PRKG1: variants seen among roughly 807,000 people sequenced by gnomAD.
PRKG1 encodes cGMP-dependent protein kinase 1.
PRKG1 carries 35 observed loss-of-function variants against 88.1 expected under a neutral mutation model. That is an observed-to-expected ratio of 0.40 (90% CI 0.30 to 0.53). The LOEUF is 0.53. Ranked by LOEUF, PRKG1 falls within the 20% of genes least tolerant of loss-of-function variation. The pLI is 0.59. For missense variants in PRKG1, 540 were observed against 839.8 expected (o/e 0.64, Z 4.41); for synonymous variants, 303 against 292.5 (o/e 1.04, Z -0.37).
rs1589666380 is a variant in PRKG1, at chr10:52,166,839, G to GTATATATATGTA, written c.1076+4887_1076+4888insATATATATATGT. Reference sequence around the variant, plus strand: ...TATATGTATATATATGTATATATATGTATATATATGTCTATATATATATCT... The same window carrying GTATATATATGTA: ...TATATGTATATATATGTATATATATGTATATATATGTATATATATATGTCTATATATATATCT... On this transcript the variant is annotated intron_variant, in intron 9 of 17. Transcript: ENST00000373980. Among the ~76,000 whole-genome samples the GTATATATATGTA allele has an allele frequency of 6.0e-4, 54 of 90,494 alleles. 2 individuals are homozygous for GTATATATATGTA. Among genetic ancestry groups the GTATATATATGTA allele is most frequent in the Admixed American group, 2.0e-3 (16 of 8,082 alleles). 59.4% of individuals were successfully genotyped at this position (90,494 alleles called of 152,430 possible). A position where few individuals can be genotyped will look rare whatever the true frequency, so the allele number is the denominator to read the frequency against.
At chr10:51,505,098 A>G (rs373529850) in intron 3 of PRKG1, among the ~76,000 whole-genome samples, 17 of 152,020 alleles carry the variant, frequency 1.1e-4, no homozygotes, top group African/African-American at 2.4e-4. Flanking sequence ...GTATGATATT[A>G]GCTGTGGGTT....
At chr10:51,257,533 G>A (rs921397737) in intron 2 of PRKG1, among the ~76,000 whole-genome samples, 4 of 152,156 alleles carry the variant, frequency 2.6e-5, no homozygotes, top group East Asian at 1.9e-4. Flanking sequence ...TCCAGGAACA[G>A]CGCTGGCTTT....
chr10:51,664,994 T>G (rs1194051180), intron 3 of PRKG1, among the ~76,000 whole-genome samples: 2 of 152,122 alleles, frequency 1.3e-5, no homozygotes, highest in Admixed American at 6.6e-5. Context: ...GAACAGCAAA[T>G]TATTGTGCTC....
chr10:51,472,036 A>G (rs1840061770), intron 3 of PRKG1, among the ~76,000 whole-genome samples: 2 of 152,040 alleles, frequency 1.3e-5, no homozygotes, highest in Middle Eastern at 3.4e-3. Context: ...TAAAAAGCCT[A>G]CAAGAAATCT....
At chr10:51,198,454 C>G (rs1297837853) in intron 2 of PRKG1, among the ~76,000 whole-genome samples, 1 of 152,118 alleles carries the variant, frequency 6.6e-6, no homozygotes, top group Non-Finnish European at 1.5e-5. Context: ...GATGTAAAAA[C>G]CTGTGAGAGA....
intron 2 of PRKG1, among the ~76,000 whole-genome samples, chr10:51,291,660 C>G (rs538244441): frequency 4.1e-4 from 63 of 152,070 alleles, no homozygotes; most frequent in Non-Finnish European, 9.0e-4. Flanking sequence ...AATGGGTGCC[C>G]CCCTTAAAAG....
intron 7 of PRKG1, among the ~76,000 whole-genome samples, chr10:52,083,282 TG>T (rs1317353802): frequency 6.6e-6 from 1 of 152,100 alleles, no homozygotes; most frequent in Non-Finnish European, 1.5e-5. Flanking sequence ...ACATTGAGCA[TG>T]GAATCACAAT....
At chr10:52,269,900 C>G (rs1241514574) in intron 10 of PRKG1, among the ~76,000 whole-genome samples, 1 of 152,062 alleles carries the variant, frequency 6.6e-6, no homozygotes, top group African/African-American at 2.4e-5. Context: ...TCTGGAGCCA[C>G]TGGGAGCCAT....
chr10:52,115,167 C>G (rs1007326852), intron 7 of PRKG1, among the ~76,000 whole-genome samples: 6 of 151,822 alleles, frequency 4.0e-5, no homozygotes, highest in African/African-American at 1.5e-4. Context: ...ACTTTAGTCT[C>G]TAAGGACAAA....
intron 2 of PRKG1, among the ~76,000 whole-genome samples, chr10:51,206,159 A>G (rs572730175): frequency 6.6e-6 from 1 of 152,226 alleles, no homozygotes; most frequent in South Asian, 2.1e-4. Flanking sequence ...GTTTTTAAAC[A>G]CATCATAAAC....
intron 1 of PRKG1, among the ~76,000 whole-genome samples, chr10:51,103,423 A>G (rs1287659184): frequency 6.6e-6 from 1 of 151,984 alleles, no homozygotes; most frequent in East Asian, 1.9e-4. Context: ...TCTTCGAGCT[A>G]AAAAAAAGCT....
chr10:51,454,112 A>T (rs1344364994), intron 2 of PRKG1, among the ~76,000 whole-genome samples: 4 of 152,126 alleles, frequency 2.6e-5, no homozygotes, highest in Non-Finnish European at 5.9e-5. Context: ...AAACAAATGG[A>T]AACACATCCC....
intron 3 of PRKG1, among the ~76,000 whole-genome samples, chr10:51,591,352 C>T (rs1838308823): frequency 6.6e-6 from 1 of 152,208 alleles, no homozygotes; most frequent in African/African-American, 2.4e-5. Context: ...CAAACCCCCT[C>T]ACCTCATAAA....
At chr10:52,133,995 T>A in intron 8 of PRKG1, 90 bp downstream of exon 8, 3 of 949,228 alleles carry the variant, frequency 3.2e-6, no homozygotes, top group Non-Finnish European at 4.9e-6. Flanking sequence ...ATGGAGCTAT[T>A]AATACTTGTT....
intron 3 of PRKG1, among the ~76,000 whole-genome samples, chr10:51,744,314 T>A (rs1837522627): frequency 6.6e-6 from 1 of 152,148 alleles, no homozygotes; most frequent in African/African-American, 2.4e-5. Flanking sequence ...GCAGAAGAGC[T>A]GGGACTTGAA....
intron 5 of PRKG1, among the ~76,000 whole-genome samples, chr10:51,950,187 C>T (rs888031210): frequency 6.6e-6 from 1 of 152,200 alleles, no homozygotes; most frequent in Admixed American, 6.5e-5. Flanking sequence ...AAAATCATAG[C>T]ATACTCTTGA....
upstream of PRKG1, among the ~76,000 whole-genome samples, chr10:51,072,126 C>T (rs984646654): frequency 1.3e-5 from 2 of 152,012 alleles, no homozygotes; most frequent in Non-Finnish European, 2.9e-5. Context: ...ATCCAGGAGG[C>T]GGAGGTTGCA....
intron 9 of PRKG1, among the ~76,000 whole-genome samples, chr10:52,229,639 T>C (rs1840476434): frequency 2.0e-5 from 3 of 152,214 alleles, no homozygotes; most frequent in Admixed American, 2.0e-4. Context: ...CTTTGGATTA[T>C]GATGCCTGTT....
At chr10:51,918,335 T>C (rs879691525) in intron 5 of PRKG1, among the ~76,000 whole-genome samples, 1,597 of 34,956 alleles carry the variant, frequency 0.046, 17 homozygotes, top group Non-Finnish European at 0.061. Context: ...CTTGACTTAT[T>C]TTTTTTTTAT....
Sources: allele counts gnomAD v4.1 joint callset (sites outside exome capture counted in the v4.1 genomes callset), GRCh38; gene constraint gnomAD v4.1.1; transcripts MANE v1.5; gene names NCBI Gene and HGNC (gene_info 2026-07-23, HGNC 2026-07-21).